Variants in ADGRG2 observed in about 807,000 individuals in gnomAD.
ADGRG2 encodes adhesion G protein-coupled receptor G2.
A neutral mutation model predicts 74.1 loss-of-function variants in ADGRG2; 26 were observed. The ratio of observed to expected loss-of-function variants is 0.35; its 90% CI spans 0.26 to 0.49. The LOEUF (loss-of-function observed/expected upper bound fraction) is 0.49, where lower values mean the gene tolerates loss of function less well. Among genes scored for constraint, ADGRG2 ranks in the 20% least tolerant of loss-of-function variants. The pLI is 0.99. For missense variants in ADGRG2, 619 were observed against 763.1 expected (o/e 0.81, Z 2.22); for synonymous variants, 296 against 295.2 (o/e 1.00, Z -0.03).
At chrX:19,058,457 A>T (rs771873416) in intron 3 of ADGRG2, among the ~76,000 whole-genome samples, 3 of 111,429 alleles carry the variant, frequency 2.7e-5, no homozygotes, top group African/African-American at 9.8e-5. Context: ...TGTCTACATA[A>T]TTGAAAGACA....
Position 19,104,112 on chromosome X carries a change from G to A in ADGRG2, c.-47+18330C>T, listed in dbSNP as rs113817899. On this transcript the variant is annotated intron_variant, in intron 1 of 28. Transcript: ENST00000379869. ...ACCATCGATGCAAAGCTTCGGAAACGGATGTAGGTAGGCCCTTGAAACTGA... is the reference window on the plus strand; with the variant it reads ...ACCATCGATGCAAAGCTTCGGAAACAGATGTAGGTAGGCCCTTGAAACTGA... Among the ~76,000 whole-genome samples, 1,098 of 110,919 alleles carry A rather than the reference G, an allele frequency of 9.9e-3. 35 individuals carry two copies. The highest frequency in any genetic ancestry group is 0.075 in the Admixed American group (778 of 10,351).
chrX:19,056,592 C>T (rs1313769181), intron 3 of ADGRG2, among the ~76,000 whole-genome samples: 1 of 112,097 alleles, frequency 8.9e-6, no homozygotes, highest in Admixed American at 9.5e-5. Flanking sequence ...AGAAATCCTA[C>T]TTAGTTGGAA....
At chrX:19,077,588 A>C (rs1393740192) in intron 2 of ADGRG2, among the ~76,000 whole-genome samples, 1 of 110,311 alleles carries the variant, frequency 9.1e-6, no homozygotes, top group Non-Finnish European at 1.9e-5. Context: ...TAAAAGGCAA[A>C]GATTATCAGA....
intron 23 of ADGRG2, among the ~76,000 whole-genome samples, chrX:19,004,281 G>A (rs982204217): frequency 7.1e-5 from 8 of 112,240 alleles, no homozygotes; most frequent in African/African-American, 2.6e-4. Context: ...TTGCTGCAGA[G>A]CTACACTCAC....
At chrX:19,015,676 A>G (rs2060454017) in intron 15 of ADGRG2, among the ~76,000 whole-genome samples, 1 of 111,957 alleles carries the variant, frequency 8.9e-6, no homozygotes, top group South Asian at 3.7e-4. Flanking sequence ...CCAAGATTGT[A>G]CCACTGCACT....
intron 1 of ADGRG2, among the ~76,000 whole-genome samples, chrX:19,101,101 T>TTGTGTGTGTG (rs10579733): frequency 1.5e-3 from 135 of 89,844 alleles, no homozygotes; most frequent in African/African-American, 5.2e-3. Flanking sequence ...AATCATGAGA[T>TTGTGTGTGTG]TGTGTGTGTG....
At chrX:18,996,746 ACTCCAC>A (rs2060026261) in intron 26 of ADGRG2, among the ~76,000 whole-genome samples, 1 of 109,482 alleles carries the variant, frequency 9.1e-6, no homozygotes, top group Non-Finnish European at 1.9e-5. Context: ...GGGCCCTGGG[ACTCCAC>A]CTCTCACCCA....
chrX:19,008,447 C>T (rs1475047214), intron 18 of ADGRG2, among the ~76,000 whole-genome samples: 1 of 111,190 alleles, frequency 9.0e-6, no homozygotes, highest in African/African-American at 3.3e-5. Flanking sequence ...GGGAGGATCA[C>T]CTGAGGTCAG....
intron 16 of ADGRG2, among the ~76,000 whole-genome samples, chrX:19,012,645 A>G (rs2060380473): frequency 9.1e-6 from 1 of 109,522 alleles, no homozygotes; most frequent in South Asian, 3.9e-4. Flanking sequence ...AAAAAAAAAA[A>G]AAAAGAAACA....
At chrX:19,015,077 C>T (rs992612392) in intron 15 of ADGRG2, among the ~76,000 whole-genome samples, 3 of 111,823 alleles carry the variant, frequency 2.7e-5, no homozygotes, top group Non-Finnish European at 5.6e-5. Flanking sequence ...GAAGTCCTCA[C>T]CTACTCTCTG....
intron 2 of ADGRG2, among the ~76,000 whole-genome samples, chrX:19,070,967 C>CTTCATTCATTCA (rs368910522): frequency 3.6e-5 from 4 of 111,061 alleles, no homozygotes; most frequent in African/African-American, 9.8e-5. Context: ...TAGCTGTGCT[C>CTTCATTCATTCA]TTCATTCATT....
chrX:19,118,902 C>T (rs1222290726), intron 1 of ADGRG2, among the ~76,000 whole-genome samples: 1 of 112,200 alleles, frequency 8.9e-6, no homozygotes, highest in Non-Finnish European at 1.9e-5. Flanking sequence ...CATAGATAAA[C>T]CTCAAATGCA....
intron 18 of ADGRG2, 84 bp from the exon 19 acceptor site, chrX:19,008,207 G>C: frequency 1.5e-6 from 1 of 647,743 alleles, no homozygotes; most frequent in African/African-American, 2.3e-5. Context: ...TGGTGCAAAA[G>C]TAATTGCAGT....
intron 16 of ADGRG2, among the ~76,000 whole-genome samples, chrX:19,013,102 G>A (rs535781403): frequency 5.8e-4 from 64 of 111,198 alleles, no homozygotes; most frequent in African/African-American, 2.0e-3. Flanking sequence ...CCAAGCCTGG[G>A]TCTTCACAGT....
intron 1 of ADGRG2, among the ~76,000 whole-genome samples, chrX:19,113,403 C>T (rs1439752245): frequency 9.0e-6 from 1 of 110,868 alleles, no homozygotes; most frequent in Non-Finnish European, 1.9e-5. Flanking sequence ...GGATCCTGTA[C>T]TAGAAGGAAA....
Position 19,010,738 on chromosome X carries a change from T to C in ADGRG2, c.1140A>G (p.Gln380=), listed in dbSNP as rs141750625. 101 of 1,203,317 alleles carry C rather than the reference T, an allele frequency of 8.4e-5. No individual in the cohort carries two copies. The highest frequency in any genetic ancestry group is 1.1e-4 in the Non-Finnish European group (97 of 890,738). The change falls in exon 17 of 29, where the codon CAA becomes CAG. Residue 380 remains glutamine (Q), a synonymous_variant. Transcript: ENST00000379869. The part of the protein sequence containing the change: ...NTSSISDLEN[Q]VLQMEKALSL... ...ACAGAGCCTTCTCCATCTGCAACAC[T>C]TGGTTCTCAAGATCAGAAATACTGC...
At chrX:18,999,376 C>A in intron 25 of ADGRG2, 97 bp from the exon 26 acceptor site, 1 of 731,972 alleles carries the variant, frequency 1.4e-6, no homozygotes, top group Non-Finnish European at 2.0e-6. Context: ...TTTACTGAAA[C>A]ATTTTCTACC....
chrX:19,035,880 C>A, intron 7 of ADGRG2, 62 bp downstream of exon 7: 1 of 608,070 alleles, frequency 1.6e-6, no homozygotes, highest in Non-Finnish European at 2.6e-6. Flanking sequence ...GTAGACTGCA[C>A]AAGCAAGACA....
chrX:18,994,932 C>T lies in ADGRG2; in HGVS notation c.2833G>A (p.Val945Met). Residue 945 changes from valine (V) to methionine (M), a missense_variant, in exon 28 of 29, where the codon GTG (valine) becomes ATG (methionine). By Grantham distance (21) the Val-to-Met change is conservative. Coordinates refer to ENST00000379869, the MANE Select transcript of ADGRG2 (RefSeq NM_001079858.3). ...GCGTGTACTGAGCAATCATTATTCA[C>T]TAGCAGTGTGGTGGAGTTAGTGGAG... ...SNSTNSTTLL[V>M]NNDCSVHASG... 2 of 1,203,856 alleles carry T rather than the reference C, an allele frequency of 1.7e-6. No homozygotes were observed. The highest frequency in any genetic ancestry group is 2.3e-6 in the Non-Finnish European group (2 of 888,786).
Sources: allele counts gnomAD v4.1 joint callset (sites outside exome capture counted in the v4.1 genomes callset), GRCh38; gene constraint gnomAD v4.1.1; transcripts MANE v1.5; gene names NCBI Gene and HGNC (gene_info 2026-07-23, HGNC 2026-07-21).